CACNA2D3: variants seen among roughly 807,000 people sequenced by gnomAD.
CACNA2D3 encodes calcium voltage-gated channel auxiliary subunit alpha2delta 3.
Under a neutral mutation model 160.6 loss-of-function variants are expected in CACNA2D3, and 60 were observed. That is an observed-to-expected ratio of 0.37 (90% CI 0.30 to 0.46). The LOEUF is 0.46. Among genes scored for constraint, CACNA2D3 ranks in the 20% least tolerant of loss-of-function variants. The pLI, the probability that CACNA2D3 is intolerant of heterozygous loss-of-function variation, is 1.00. For synonymous variants in CACNA2D3, 558 were observed against 492.9 expected (o/e 1.13, Z -1.75); for missense variants, 1,205 against 1,365.0 (o/e 0.88, Z 1.85).
chr3:54,417,848 G>A lies in CACNA2D3; in HGVS notation c.381+31074G>A, dbSNP rs143801103. ...GTCACCCAGGCTGGAGTGCAGTGGT[G>A]TGATCATGGCTCACTACAGCCCGGA... On this transcript the variant is annotated intron_variant, in intron 4 of 37. Coordinates refer to ENST00000474759, the MANE Select transcript of CACNA2D3 (RefSeq NM_018398.3). Among the ~76,000 whole-genome samples the A allele has an allele frequency of 1.1e-3, 169 of 152,070 alleles. 6 individuals are homozygous for A. In the East Asian group the frequency reaches 0.032, roughly 29 times the overall value.
chr3:54,970,234 C>G (rs931485494), intron 29 of CACNA2D3, among the ~76,000 whole-genome samples: 1 of 152,042 alleles, frequency 6.6e-6, no homozygotes. Flanking sequence ...ACCCATCTTG[C>G]AGATAAGAAA....
At chr3:54,771,421 G>A (rs534778831) in intron 13 of CACNA2D3, among the ~76,000 whole-genome samples, 3 of 152,288 alleles carry the variant, frequency 2.0e-5, no homozygotes, top group South Asian at 2.1e-4. Flanking sequence ...ACAAGGAAGC[G>A]TTGGCTGCAC....
At chr3:54,973,910 A>G (rs1418050052) in intron 29 of CACNA2D3, among the ~76,000 whole-genome samples, 2 of 152,146 alleles carry the variant, frequency 1.3e-5, no homozygotes, top group Non-Finnish European at 2.9e-5. Context: ...AAGGAGTGGC[A>G]CCTTCCTGTG....
At position 54,122,747 on chromosome 3, in the gene CACNA2D3, CG is replaced by C. The variant is rs1477361405; in HGVS notation, c.40del (p.Ala14ProfsTer29). Reference protein sequence around the residue: ...AGPGSPRRASRGASALLAAAL... With the variant: ...AGPGSPRRASXGASALLAAAL... ...GCCGGGCTCGCCGCGCCGCGCGTCC[CG>C]GGGGGCCTCGGCGCTTCTCGCTGCC... On this transcript the variant is annotated frameshift_variant, in exon 1 of 38. Transcript: ENST00000474759. LOFTEE classifies it high-confidence loss of function. The C allele has an allele frequency of 1.6e-6, 2 of 1,219,296 alleles. No homozygotes were observed. The highest frequency in any genetic ancestry group is 3.2e-4 in the Middle Eastern group (1 of 3,124). The allele number at this position is 1,219,296 out of a possible 1,614,324, so 75.5% of individuals were successfully genotyped here.
At chr3:54,453,904 C>T (rs981616723) in intron 4 of CACNA2D3, among the ~76,000 whole-genome samples, 1 of 152,178 alleles carries the variant, frequency 6.6e-6, no homozygotes, top group Non-Finnish European at 1.5e-5. Context: ...GCATAAGTCA[C>T]ATATTCTCTA....
chr3:54,661,156 G>C (rs1011154053), intron 11 of CACNA2D3, among the ~76,000 whole-genome samples: 30 of 152,214 alleles, frequency 2.0e-4, no homozygotes, highest in Non-Finnish European at 2.9e-5. Flanking sequence ...CCCTGGAACA[G>C]ATTTCCAAGG....
chr3:54,300,773 G>A (rs1472578623), intron 2 of CACNA2D3, among the ~76,000 whole-genome samples: 1 of 152,110 alleles, frequency 6.6e-6, no homozygotes, highest in Admixed American at 6.6e-5. Context: ...CAAGCACTTT[G>A]GAAGACTGAG....
In CACNA2D3 at chr3:54,653,607, T is replaced by C. The variant is rs139056820; in HGVS notation, c.1167+11366T>C. On this transcript the variant is annotated intron_variant, in intron 11 of 37. Coordinates refer to ENST00000474759, the MANE Select transcript of CACNA2D3 (RefSeq NM_018398.3). ...GAGAGTTGAGATGGTTCATTGTCTC[T>C]GGTTTAATTACTTCTGCTGGTATTA... Among the ~76,000 whole-genome samples, 7 of 152,334 alleles carry C rather than the reference T, an allele frequency of 4.6e-5. No individual in the cohort carries two copies. In the East Asian group the frequency reaches 1.4e-3, roughly 29 times the overall value.
At chr3:54,523,130 A>G (rs1047165847) in intron 5 of CACNA2D3, among the ~76,000 whole-genome samples, 2 of 152,218 alleles carry the variant, frequency 1.3e-5, no homozygotes, top group South Asian at 2.1e-4. Flanking sequence ...CTGATCTTAA[A>G]GAAAGCATTT....
chr3:54,824,486 G>A (rs1232242923), intron 14 of CACNA2D3, among the ~76,000 whole-genome samples: 1 of 152,172 alleles, frequency 6.6e-6, no homozygotes, highest in Non-Finnish European at 1.5e-5. Flanking sequence ...ACCAAGTTGT[G>A]TAACCTCTGG....
chr3:54,975,226 A>G, intron 29 of CACNA2D3, among the ~76,000 whole-genome samples: 1 of 152,150 alleles, frequency 6.6e-6, no homozygotes, highest in Non-Finnish European at 1.5e-5. Flanking sequence ...CAGTGTCTAT[A>G]AAGAAAATGT....
chr3:54,176,690 A>G (rs969613349), intron 2 of CACNA2D3, among the ~76,000 whole-genome samples: 2 of 152,084 alleles, frequency 1.3e-5, no homozygotes, highest in Admixed American at 6.5e-5. Flanking sequence ...CTTTTGACAT[A>G]TTTATATCCA....
intron 2 of CACNA2D3, among the ~76,000 whole-genome samples, chr3:54,198,252 C>T (rs758930110): frequency 2.0e-5 from 3 of 152,220 alleles, no homozygotes; most frequent in African/African-American, 7.2e-5. Flanking sequence ...TATCTGAGGA[C>T]AAGAGGCCTG....
intron 23 of CACNA2D3, among the ~76,000 whole-genome samples, chr3:54,887,253 C>CCAT (rs1271053847): frequency 6.6e-6 from 1 of 151,908 alleles, no homozygotes; most frequent in Non-Finnish European, 1.5e-5. Flanking sequence ...TGGTAAAACC[C>CCAT]CATCTCTACT....
chr3:54,230,718 C>T (rs1239383385), intron 2 of CACNA2D3, among the ~76,000 whole-genome samples: 1 of 152,106 alleles, frequency 6.6e-6, no homozygotes, highest in Non-Finnish European at 1.5e-5. Context: ...TATAAAATTC[C>T]TTCTATTTTG....
At chr3:54,687,763 G>A (rs1700496764) in intron 11 of CACNA2D3, among the ~76,000 whole-genome samples, 1 of 152,268 alleles carries the variant, frequency 6.6e-6, no homozygotes, top group African/African-American at 2.4e-5. Flanking sequence ...CCCATATCTG[G>A]CTGAATTTGA....
At chr3:54,755,304 G>C (rs916364836) in intron 12 of CACNA2D3, among the ~76,000 whole-genome samples, 3 of 151,954 alleles carry the variant, frequency 2.0e-5, no homozygotes, top group Admixed American at 6.6e-5. Flanking sequence ...ATGCTTCTGT[G>C]GGGGGGCTCA....
At chr3:54,288,136 T>G (rs1703081548) in intron 2 of CACNA2D3, among the ~76,000 whole-genome samples, 1 of 151,976 alleles carries the variant, frequency 6.6e-6, no homozygotes, top group African/African-American at 2.4e-5. Context: ...ATCCAGGAGC[T>G]GGTTTTTTGA....
chr3:54,445,096 A>G (rs921448526), intron 4 of CACNA2D3, among the ~76,000 whole-genome samples: 8 of 152,218 alleles, frequency 5.3e-5, no homozygotes, highest in Admixed American at 1.3e-4. Flanking sequence ...TGTCAAGTCA[A>G]CCAGGTGTCC....
Sources: gnomAD v4.1 joint callset for allele counts (sites outside exome capture counted in the v4.1 genomes callset) on GRCh38, gnomAD v4.1.1 for gene constraint, MANE v1.5 for transcripts, NCBI Gene and HGNC (gene_info 2026-07-23, HGNC 2026-07-21) for gene names.